Variants in PLCG1 observed in about 807,000 individuals in gnomAD.
PLCG1 encodes 1-phosphatidylinositol 4,5-bisphosphate phosphodiesterase gamma-1.
In PLCG1, 71 loss-of-function variants were observed where a neutral mutation model predicts 177.8. The observed-to-expected ratio is 0.40, with a 90% confidence interval of 0.33 to 0.49. The LOEUF is 0.49. Among genes scored for constraint, PLCG1 ranks in the 20% least tolerant of loss-of-function variants. The pLI, the probability that PLCG1 is intolerant of heterozygous loss-of-function variation, is 0.72. For synonymous variants in PLCG1, 658 were observed against 647.9 expected (o/e 1.02, Z -0.24); for missense variants, 1,281 against 1,709.0 (o/e 0.75, Z 4.42).
At position 41,173,369 on chromosome 20, in the gene PLCG1, A is replaced by C; in HGVS notation, c.3280-51A>C. 6.7e-7 allele frequency: 1 copy of C among 1,490,950 alleles called. No individual in the cohort carries two copies. The highest frequency in any genetic ancestry group is 9.0e-7 in the Non-Finnish European group (1 of 1,114,868). 92.4% of individuals were successfully genotyped at this position (1,490,950 alleles called of 1,614,324 possible). ...GCTGACTGAGCCTCCGCAGTGGGGA[A>C]TTGGAGGGAGCAGGAAGGACAATCC... On this transcript the variant is annotated intron_variant, in intron 27 of 31. Coordinates refer to ENST00000685551, the MANE Select transcript of PLCG1 (RefSeq NM_002660.3). This position sits in a 1 kb window ranked among gnomAD's most constrained non-coding sequence, Gnocchi z 6.2.
chr20:41,142,385 G>C (rs2034858247), intron 1 of PLCG1, among the ~76,000 whole-genome samples: 1 of 152,250 alleles, frequency 6.6e-6, no homozygotes, highest in African/African-American at 2.4e-5. Context: ...GAGGCGACGG[G>C]AGTCAGCGGA....
At chr20:41,155,986 A>G (rs2035309968) in intron 1 of PLCG1, among the ~76,000 whole-genome samples, 1 of 152,170 alleles carries the variant, frequency 6.6e-6, no homozygotes. Context: ...TTGAAAGAGC[A>G]GGAGAAGGCA....
chr20:41,164,926 C>A lies in PLCG1; in HGVS notation c.1218-7C>A. ...CTGTTTCACTGTGCTTGTCCCCCAT[C>A]CCGCAGGTACCCAGTCATCCTGTCC... On this transcript the variant is annotated splice_polypyrimidine_tract_variant and splice_region_variant and intron_variant, in intron 12 of 31. Transcript: ENST00000685551. The surrounding 1 kb of genome is among the most constrained non-coding windows in gnomAD (Gnocchi z 6.4). 6.2e-7 allele frequency: 1 copy of A among 1,612,066 alleles called. No homozygotes were observed. The highest frequency in any genetic ancestry group is 1.1e-5 in the South Asian group (1 of 90,872).
rs1165174915 is a variant in PLCG1 at position 41,144,187 on chromosome 20, T to C, written c.217+6329T>C. ...AGGGCAGGAGTTACTATCCCTCTCT[T>C]ACAGAGGAGAAAACCAAGCCCTAAG... On this transcript the variant is annotated intron_variant, in intron 1 of 31. Coordinates refer to ENST00000685551, the MANE Select transcript of PLCG1 (RefSeq NM_002660.3). The surrounding 1 kb of genome is among the most constrained non-coding windows in gnomAD (Gnocchi z 4.1). 6.6e-6 allele frequency among the ~76,000 whole-genome samples: 1 copy of C among 152,168 alleles called. No homozygotes were observed. The highest frequency in any genetic ancestry group is 1.5e-5 in the Non-Finnish European group (1 of 68,028).
chr20:41,171,470 C>G (rs1325435587), intron 24 of PLCG1, among the ~76,000 whole-genome samples: 3 of 151,662 alleles, frequency 2.0e-5, no homozygotes, highest in African/African-American at 7.3e-5. Context: ...ACCTGTAATC[C>G]CAGCTACTCG....
At chr20:41,143,617 G>C (rs552805694) in intron 1 of PLCG1, among the ~76,000 whole-genome samples, 1 of 152,272 alleles carries the variant, frequency 6.6e-6, no homozygotes, top group East Asian at 1.9e-4. Flanking sequence ...GGTGAGGAGT[G>C]GCTTCAGGCT....
Position 41,165,211 on chromosome 20 carries a change from G to C in PLCG1, c.1387-34G>C, listed in dbSNP as rs201465441. 6.2e-6 allele frequency: 10 copies of C among 1,612,756 alleles called. No homozygotes were observed. The highest frequency in any genetic ancestry group is 1.7e-5 in the Admixed American group (1 of 59,964). ...GGTGAGGAGGTGGGGTGAGGACTGG[G>C]GTCTGCATTGCCCTGTTCTGGTTGC... On this transcript the variant is annotated intron_variant, in intron 13 of 31. Coordinates refer to ENST00000685551, the MANE Select transcript of PLCG1 (RefSeq NM_002660.3). The surrounding 1 kb of genome is among the most constrained non-coding windows in gnomAD (Gnocchi z 6.6).
At chr20:41,162,597 G>T (rs1459645224) in intron 5 of PLCG1, 45 bp from the exon 6 acceptor site, 2 of 1,607,130 alleles carry the variant, frequency 1.2e-6, no homozygotes. Context: ...CCCTTCAGCT[G>T]GGGGCCTGAC....
Position 41,151,976 on chromosome 20 carries a change from G to A in PLCG1, c.218-7630G>A, listed in dbSNP as rs138649221. 2.6e-5 allele frequency among the ~76,000 whole-genome samples: 4 copies of A among 152,300 alleles called. No homozygotes were observed. Among genetic ancestry groups the A allele is most frequent in the African/African-American group, 4.8e-5 (2 of 41,560 alleles). ...GAGTTGTATAGGAACCTGGGGATGG[G>A]GTGACTGAGGTAGGGGGCCAGAAGT... On this transcript the variant is annotated intron_variant, in intron 1 of 31. Coordinates refer to ENST00000685551, the MANE Select transcript of PLCG1 (RefSeq NM_002660.3). This position sits in a 1 kb window ranked among gnomAD's most constrained non-coding sequence, Gnocchi z 5.5.
At position 41,156,615 on chromosome 20, in the gene PLCG1, A is replaced by C. The variant is rs930054736; in HGVS notation, c.218-2991A>C. 9.9e-5 allele frequency among the ~76,000 whole-genome samples: 15 copies of C among 152,158 alleles called. No homozygotes were observed. Among genetic ancestry groups the C allele is most frequent in the African/African-American group, 3.4e-4 (14 of 41,420 alleles). On this transcript the variant is annotated intron_variant, in intron 1 of 31. Transcript: ENST00000685551. The surrounding 1 kb of genome is among the most constrained non-coding windows in gnomAD (Gnocchi z 5.0). ...TACCCCTGGCTTTTCTTTTCCCCAG[A>C]GTTCCCCTGAATGTTGTCCTCTCAT... is the stretch of plus-strand genomic sequence containing the variant.
At position 41,175,927 on chromosome 20, in the gene PLCG1, T is replaced by C. The variant is rs1568764180; in HGVS notation, c.*1418T>C. 6.6e-6 allele frequency: 1 copy of C among 152,180 alleles called. No individual in the cohort carries two copies. Among genetic ancestry groups the C allele is most frequent in the African/African-American group, 2.4e-5 (1 of 41,428 alleles). 9.4% of individuals were successfully genotyped at this position (152,180 alleles called of 1,614,324 possible). A position where few individuals can be genotyped will look rare whatever the true frequency, so the allele number is the denominator to read the frequency against. ...CTCTCTCCTGCCCACCCTCTGAGGG[T>C]GTGTCTGAGCAGAGTACATCCTGCC... On this transcript the variant is annotated 3_prime_UTR_variant, in exon 32 of 32. Transcript: ENST00000685551.
rs2035946718 is a variant in PLCG1 at position 41,172,850 on chromosome 20, G to C, written c.3252G>C (p.Gly1084=). 6.2e-7 allele frequency: 1 copy of C among 1,614,092 alleles called. No individual in the cohort carries two copies. The change falls in exon 27 of 32, where the codon GGG becomes GGC. Residue 1084 remains glycine (G), a synonymous_variant. Coordinates refer to ENST00000685551, the MANE Select transcript of PLCG1 (RefSeq NM_002660.3). The surrounding 1 kb of genome is among the most constrained non-coding windows in gnomAD (Gnocchi z 7.0). ...CCTTTGACAAGAGCAGCCTCCGCGG[G>C]CTGGAGCCATGTGCCATCTCTATTG... ...FDPFDKSSLR[G]LEPCAISIEV... is the part of the protein sequence containing the mutation.
rs552371978 is a variant in PLCG1 at position 41,148,133 on chromosome 20, C to T, written c.217+10275C>T. ...AGCAGGCCTCTGACCTGACGACTTC[C>T]GGTCATTATTTAGAACGTCTCCAGC... On this transcript the variant is annotated intron_variant, in intron 1 of 31. Transcript: ENST00000685551. The surrounding 1 kb of genome is among the most constrained non-coding windows in gnomAD (Gnocchi z 4.3). Among the ~76,000 whole-genome samples, 7 of 152,326 alleles carry T rather than the reference C, an allele frequency of 4.6e-5. No individual in the cohort carries two copies. The highest frequency in any genetic ancestry group is 7.2e-5 in the African/African-American group (3 of 41,568).
At chr20:41,161,869 T>C (rs1399891820) in intron 4 of PLCG1, among the ~76,000 whole-genome samples, 1 of 152,108 alleles carries the variant, frequency 6.6e-6, no homozygotes, top group Admixed American at 6.5e-5. Context: ...TCAGTTTCTT[T>C]CCTGGAGCCA....
rs562233085 is a variant in PLCG1 at position 41,155,501 on chromosome 20, G to A, written c.218-4105G>A. 2.4e-4 allele frequency among the ~76,000 whole-genome samples: 36 copies of A among 152,318 alleles called. 1 individual carries two copies. The South Asian group carries it at 7.3e-3, about 31-fold the overall frequency. ...TTGGTGAGTGTGCTGGTGGGGCACTGCAGGCTCAGGAAGCAGCGTGTCTGC... is the reference window on the plus strand; with the variant it reads ...TTGGTGAGTGTGCTGGTGGGGCACTACAGGCTCAGGAAGCAGCGTGTCTGC... On this transcript the variant is annotated intron_variant, in intron 1 of 31. Coordinates refer to ENST00000685551, the MANE Select transcript of PLCG1 (RefSeq NM_002660.3).
At position 41,165,496 on chromosome 20, in the gene PLCG1, A is replaced by G. The variant is rs764524198; in HGVS notation, c.1556A>G (p.Tyr519Cys). 3 of 1,613,876 alleles carry G rather than the reference A, an allele frequency of 1.9e-6. No homozygotes were observed. The South Asian group carries it at 3.3e-5, about 18-fold the overall frequency. The change falls in exon 15 of 32, where the codon TAC becomes TGC. Residue 519 changes from tyrosine to cysteine, a missense_variant. Physicochemically the swap from Tyr to Cys is radical, Grantham distance 194. This residue lies in a region of PLCG1 where 723 missense variants were observed against 1,030.0 expected (regional missense o/e 0.70). Coordinates refer to ENST00000685551, the MANE Select transcript of PLCG1 (RefSeq NM_002660.3). This position sits in a 1 kb window ranked among gnomAD's most constrained non-coding sequence, Gnocchi z 6.6. ...YFVLTSSKIY[Y>C]SEETSSDQGN... is the part of the protein sequence containing the mutation. ...GTTCTGACCAGCAGCAAGATCTACTACTCTGAGGAGACCAGCAGTGACCAG... is the reference window on the plus strand; with the variant it reads ...GTTCTGACCAGCAGCAAGATCTACTGCTCTGAGGAGACCAGCAGTGACCAG...
At position 41,144,533 on chromosome 20, in the gene PLCG1, G is replaced by A. The variant is rs112021604; in HGVS notation, c.217+6675G>A. ...CTCCTACATGGGGGTGAATGTAGCCGCTGATTGGGGGTGGGACACAGAAGA... is the reference window on the plus strand; with the variant it reads ...CTCCTACATGGGGGTGAATGTAGCCACTGATTGGGGGTGGGACACAGAAGA... On this transcript the variant is annotated intron_variant, in intron 1 of 31. Transcript: ENST00000685551. This position sits in a 1 kb window ranked among gnomAD's most constrained non-coding sequence, Gnocchi z 4.1. Among the ~76,000 whole-genome samples, 532 of 152,196 alleles carry A rather than the reference G, an allele frequency of 3.5e-3. 6 individuals carry two copies. Among genetic ancestry groups the A allele is most frequent in the South Asian group, 0.028 (136 of 4,816 alleles).
chr20:41,174,686 T>C lies in PLCG1; in HGVS notation c.*177T>C. 1 of 630,232 alleles carries C rather than the reference T, an allele frequency of 1.6e-6. No individual in the cohort carries two copies. Among genetic ancestry groups the C allele is most frequent in the Non-Finnish European group, 2.8e-6 (1 of 353,384 alleles). The allele number at this position is 630,232 out of a possible 1,614,324, so 39.0% of individuals were successfully genotyped here. A position where few individuals can be genotyped will look rare whatever the true frequency, so the allele number is the denominator to read the frequency against. On this transcript the variant is annotated 3_prime_UTR_variant, in exon 32 of 32. Transcript: ENST00000685551. The surrounding 1 kb of genome is among the most constrained non-coding windows in gnomAD (Gnocchi z 5.8). ...GCCATTAATGAGATGTTATTACTGT[T>C]TTGGGCCTCCATGCCCCAGCTCTGG...
Position 41,167,237 on chromosome 20 carries a change from C to T in PLCG1, c.2301+378C>T, listed in dbSNP as rs892048328. Reference sequence around the variant, plus strand: ...CCAAGAGTGGTTGTGGAGCCTCCGCCTGGTGGATGGTATGGAGGGCAGAGC... The same window carrying T: ...CCAAGAGTGGTTGTGGAGCCTCCGCTTGGTGGATGGTATGGAGGGCAGAGC... On this transcript the variant is annotated intron_variant, in intron 19 of 31. Coordinates refer to ENST00000685551, the MANE Select transcript of PLCG1 (RefSeq NM_002660.3). This position sits in a 1 kb window ranked among gnomAD's most constrained non-coding sequence, Gnocchi z 4.4. Among the ~76,000 whole-genome samples the T allele has an allele frequency of 3.3e-5, 5 of 152,102 alleles. No individual in the cohort carries two copies. Among genetic ancestry groups the T allele is most frequent in the African/African-American group, 1.2e-4 (5 of 41,384 alleles).
Sources: allele counts gnomAD v4.1 joint callset (sites outside exome capture counted in the v4.1 genomes callset), GRCh38; gene constraint gnomAD v4.1.1; regional missense constraint gnomAD v4.1.1; non-coding constraint Gnocchi (gnomAD v3.1); transcripts MANE v1.5; gene names NCBI Gene and HGNC (gene_info 2026-07-23, HGNC 2026-07-21).